EXOC6: variants seen among roughly 807,000 people sequenced by gnomAD.
EXOC6 encodes exocyst complex component 6.
A neutral mutation model predicts 112.5 loss-of-function variants in EXOC6; 60 were observed. The observed-to-expected ratio is 0.53, with a 90% confidence interval of 0.43 to 0.66. The LOEUF is 0.66. Among genes scored for constraint, EXOC6 ranks in the 30% least tolerant of loss-of-function variants. The pLI, the probability that EXOC6 is intolerant of heterozygous loss-of-function variation, is 0.00. For synonymous variants in EXOC6, 295 were observed against 308.0 expected, an observed-to-expected ratio of 0.96 and a Z score of 0.44; for missense variants, 855 against 957.1, an observed-to-expected ratio of 0.89 and a Z score of 1.41.
intron 12 of EXOC6, among the ~76,000 whole-genome samples, chr10:92,939,354 TGATA>T (rs1852528783): frequency 6.6e-6 from 1 of 151,934 alleles, no homozygotes; most frequent in Non-Finnish European, 1.5e-5. Flanking sequence ...TGATGGAGAA[TGATA>T]GATTTGATTT....
chr10:93,013,444 A>G (rs1049840587), intron 19 of EXOC6, among the ~76,000 whole-genome samples: 1 of 151,890 alleles, frequency 6.6e-6, no homozygotes, highest in Non-Finnish European at 1.5e-5. Context: ...CATCTCTACT[A>G]AAATACAAAA....
chr10:92,907,055 C>T (rs979165739), intron 5 of EXOC6, among the ~76,000 whole-genome samples: 1 of 152,112 alleles, frequency 6.6e-6, no homozygotes, highest in Non-Finnish European at 1.5e-5. Context: ...TGCTCTCTGC[C>T]TAAAATGATA....
intron 1 of EXOC6, among the ~76,000 whole-genome samples, chr10:92,829,136 C>G (rs1022955541): frequency 1.3e-5 from 2 of 152,082 alleles, no homozygotes; most frequent in African/African-American, 4.8e-5. Flanking sequence ...TTTTCCTTTC[C>G]AACCACATGT....
intron 18 of EXOC6, among the ~76,000 whole-genome samples, chr10:92,988,130 G>T (rs1843083305): frequency 6.6e-6 from 1 of 152,182 alleles, no homozygotes; most frequent in African/African-American, 2.4e-5. Flanking sequence ...ACTCGTAGAA[G>T]TCTAACCCAG....
chr10:92,837,131 C>CACACAT (rs1325224583), intron 1 of EXOC6, among the ~76,000 whole-genome samples: 1 of 151,624 alleles, frequency 6.6e-6, no homozygotes, highest in Non-Finnish European at 1.5e-5. Context: ...CACACACACA[C>CACACAT]ACACAAGCCA....
chr10:92,840,641 TA>T (rs1846812976), intron 1 of EXOC6, among the ~76,000 whole-genome samples: 1 of 152,044 alleles, frequency 6.6e-6, no homozygotes, highest in African/African-American at 2.4e-5. Flanking sequence ...TGACAAATAA[TA>T]ATCGCATATA....
Position 92,915,757 on chromosome 10 carries a change from G to T in EXOC6, c.664-1G>T. ...TCTGAATTTCTCTCTCTTCAAAATA[G>T]GCACAGCATCAGAAAACCTTCAGTG... is the stretch of plus-strand genomic sequence containing the variant. On this transcript the variant is annotated splice_acceptor_variant, in intron 6 of 21. Coordinates refer to ENST00000260762, the MANE Select transcript of EXOC6 (RefSeq NM_019053.6). LOFTEE classifies it high-confidence loss of function. The T allele has an allele frequency of 6.6e-7, 1 of 1,512,768 alleles. No homozygotes were observed. The highest frequency in any genetic ancestry group is 8.8e-7 in the Non-Finnish European group (1 of 1,142,102). The allele number at this position is 1,512,768 out of a possible 1,614,324, so 93.7% of individuals were successfully genotyped here.
chr10:93,023,026 G>A (rs1300439234), intron 20 of EXOC6, among the ~76,000 whole-genome samples: 2 of 129,730 alleles, frequency 1.5e-5, no homozygotes, highest in Admixed American at 8.4e-5. Flanking sequence ...ATCCATTTCT[G>A]TCTTAATAGG....
chr10:93,044,591 A>C (rs1448689861), intron 20 of EXOC6, among the ~76,000 whole-genome samples: 1 of 152,182 alleles, frequency 6.6e-6, no homozygotes, highest in African/African-American at 2.4e-5. Flanking sequence ...TCTGGGCCTC[A>C]GTATATAAAC....
intron 1 of EXOC6, among the ~76,000 whole-genome samples, chr10:92,891,404 C>T (rs1173857046): frequency 1.3e-5 from 2 of 152,116 alleles, no homozygotes; most frequent in Admixed American, 6.5e-5. Context: ...ACAGAACCTA[C>T]ATTTTTTAAA....
At chr10:92,901,966 T>C (rs1164987699) in intron 5 of EXOC6, 1 of 151,814 alleles carries the variant, frequency 6.6e-6, no homozygotes, top group African/African-American at 2.4e-5. Flanking sequence ...TGAGCTGAGA[T>C]TGAGCCACTG....
chr10:92,902,726 A>C (rs1250112157), intron 5 of EXOC6, among the ~76,000 whole-genome samples: 1 of 152,172 alleles, frequency 6.6e-6, no homozygotes, highest in Non-Finnish European at 1.5e-5. Context: ...GATGAAGAAT[A>C]CTTCCATTAC....
intron 20 of EXOC6, among the ~76,000 whole-genome samples, chr10:93,038,555 T>G (rs980228223): frequency 1.3e-5 from 2 of 152,324 alleles, no homozygotes; most frequent in Non-Finnish European, 2.9e-5. Context: ...GCCAGCACTC[T>G]ACTTGAATGA....
At chr10:92,938,213 CA>C (rs1269177302) in intron 12 of EXOC6, among the ~76,000 whole-genome samples, 5 of 152,068 alleles carry the variant, frequency 3.3e-5, no homozygotes, top group African/African-American at 1.2e-4. Context: ...ACTGTAAAAG[CA>C]ACAATGATAG....
intron 1 of EXOC6, among the ~76,000 whole-genome samples, chr10:92,867,971 C>CT (rs1848261341): frequency 6.6e-6 from 1 of 152,122 alleles, no homozygotes; most frequent in African/African-American, 2.4e-5. Flanking sequence ...ATTCAGTAAT[C>CT]TTTTTTGTCC....
At chr10:92,893,124 T>C (rs189470609) in intron 1 of EXOC6, among the ~76,000 whole-genome samples, 2 of 152,326 alleles carry the variant, frequency 1.3e-5, no homozygotes, top group East Asian at 3.9e-4. Context: ...CCTCATACCT[T>C]TATTTCCAGA....
chr10:92,894,727 G>A (rs1037157506), intron 2 of EXOC6, 67 bp from the exon 3 acceptor site: 1 of 1,213,574 alleles, frequency 8.2e-7, no homozygotes, highest in African/African-American at 1.5e-5. Context: ...TGATTACAAG[G>A]GTGAGCAGTT....
chr10:92,862,242 G>A (rs1228836215), intron 1 of EXOC6, among the ~76,000 whole-genome samples: 2 of 152,062 alleles, frequency 1.3e-5, no homozygotes, highest in Non-Finnish European at 2.9e-5. Context: ...TATAATATGT[G>A]GTTTTTGTGT....
chr10:92,912,146 G>T (rs996340428), intron 6 of EXOC6, among the ~76,000 whole-genome samples: 1 of 151,364 alleles, frequency 6.6e-6, no homozygotes, highest in Non-Finnish European at 1.5e-5. Flanking sequence ...CCGTGATCTC[G>T]TATCCCTTTT....
Sources: gnomAD v4.1 joint callset for allele counts (sites outside exome capture counted in the v4.1 genomes callset) on GRCh38, gnomAD v4.1.1 for gene constraint, MANE v1.5 for transcripts, NCBI Gene and HGNC (gene_info 2026-07-23, HGNC 2026-07-21) for gene names.